SAXO1: variants seen among roughly 807,000 people sequenced by gnomAD.
SAXO1 encodes 4930500O09Rik.
A neutral mutation model predicts 17.5 loss-of-function variants in SAXO1; 21 were observed. The ratio of observed to expected loss-of-function variants is 1.20; its 90% CI spans 0.85 to 1.72. The LOEUF is 1.72. SAXO1 is among the 40% of genes most tolerant of loss of function. The pLI is 0.00. For missense variants in SAXO1, 843 were observed against 596.0 expected (o/e 1.41, Z -4.32); for synonymous variants, 274 against 216.5 (o/e 1.27, Z -2.33).
At chr9:18,957,610 T>C (rs967080861) in intron 1 of SAXO1, among the ~76,000 whole-genome samples, 5 of 152,136 alleles carry the variant, frequency 3.3e-5, no homozygotes, top group Non-Finnish European at 5.9e-5. Flanking sequence ...GCATTCCCCA[T>C]CTAGGAGAGG....
intron 1 of SAXO1, among the ~76,000 whole-genome samples, chr9:19,039,106 G>A (rs1315978854): frequency 6.6e-6 from 1 of 150,824 alleles, no homozygotes; most frequent in African/African-American, 2.4e-5. Flanking sequence ...CTGCACTCCA[G>A]CCTGGGCAAC....
intron 1 of SAXO1, among the ~76,000 whole-genome samples, chr9:18,966,558 C>T (rs1832724802): frequency 6.6e-6 from 1 of 152,146 alleles, no homozygotes; most frequent in Admixed American, 6.5e-5. Flanking sequence ...GTATGCTTCA[C>T]CAAGCTCTTG....
intron 1 of SAXO1, among the ~76,000 whole-genome samples, chr9:18,970,334 T>G (rs1832900628): frequency 6.6e-6 from 1 of 152,244 alleles, no homozygotes; most frequent in Non-Finnish European, 1.5e-5. Flanking sequence ...CACAAGTCCC[T>G]TTCCTCATCC....
At chr9:18,993,959 T>G (rs1232069669) in intron 1 of SAXO1, among the ~76,000 whole-genome samples, 2 of 152,106 alleles carry the variant, frequency 1.3e-5, no homozygotes, top group South Asian at 4.1e-4. Context: ...TTTCAAGAGG[T>G]TGAAAAGAAA....
chr9:19,049,262 C>A lies in SAXO1; in HGVS notation c.-211G>T, dbSNP rs62563586. 505 of 171,010 alleles carry A rather than the reference C, an allele frequency of 3.0e-3. 1 individual carries two copies. Among genetic ancestry groups the A allele is most frequent in the Middle Eastern group, 0.013 (5 of 394 alleles). The allele number at this position is 171,010 out of a possible 1,614,324, so 10.6% of individuals were successfully genotyped here. A position where few individuals can be genotyped will look rare whatever the true frequency, so the allele number is the denominator to read the frequency against. ...AGAACAAAAGACCGAAGTCCTCGAG[C>A]TTCCCTTCCATCTTAGGGCTCACGC... On this transcript the variant is annotated 5_prime_UTR_variant, in exon 1 of 4. Transcript: ENST00000542071. This position sits in a 1 kb window ranked among gnomAD's most constrained non-coding sequence, Gnocchi z 5.4.
intron 1 of SAXO1, among the ~76,000 whole-genome samples, chr9:18,963,739 C>T (rs139088110): frequency 6.6e-6 from 1 of 152,232 alleles, no homozygotes; most frequent in African/African-American, 2.4e-5. Flanking sequence ...CAACTGCAAA[C>T]AGAGACAATT....
chr9:18,996,060 C>T (rs935817222), intron 1 of SAXO1, among the ~76,000 whole-genome samples: 1 of 131,134 alleles, frequency 7.6e-6, no homozygotes, highest in African/African-American at 3.0e-5. Context: ...ATCTCAGCAA[C>T]AAGAGTGAAA....
intron 1 of SAXO1, among the ~76,000 whole-genome samples, chr9:19,004,397 C>T (rs1834406561): frequency 6.6e-6 from 1 of 152,182 alleles, no homozygotes; most frequent in Non-Finnish European, 1.5e-5. Flanking sequence ...AATCATGCTA[C>T]TATAAAGACA....
chr9:18,979,961 G>A (rs1050756611), intron 1 of SAXO1, among the ~76,000 whole-genome samples: 8 of 152,282 alleles, frequency 5.3e-5, no homozygotes, highest in East Asian at 1.9e-4. Context: ...ACATTTCACC[G>A]GGACTTAGTG....
At chr9:19,020,572 T>G (rs1379976807) in intron 1 of SAXO1, among the ~76,000 whole-genome samples, 1 of 152,160 alleles carries the variant, frequency 6.6e-6, no homozygotes, top group Non-Finnish European at 1.5e-5. Context: ...CAGCCCAGGC[T>G]GGTCTTGAAC....
intron 1 of SAXO1, among the ~76,000 whole-genome samples, chr9:19,016,914 C>G (rs1380946826): frequency 6.7e-6 from 1 of 150,228 alleles, no homozygotes; most frequent in Non-Finnish European, 1.5e-5. Flanking sequence ...CTACAGAAAC[C>G]AAAAAGTGAG....
chr9:19,013,132 CA>C (rs546283924), intron 1 of SAXO1, among the ~76,000 whole-genome samples: 22 of 143,898 alleles, frequency 1.5e-4, no homozygotes, highest in Admixed American at 1.4e-4. Flanking sequence ...GGAACCACAC[CA>C]AAAAAAAAAG....
At chr9:19,029,078 T>C (rs1381824981) in intron 1 of SAXO1, among the ~76,000 whole-genome samples, 9 of 152,108 alleles carry the variant, frequency 5.9e-5, no homozygotes, top group Admixed American at 5.9e-4. Context: ...TCCAAGAGAG[T>C]CACCCATTGG....
intron 1 of SAXO1, among the ~76,000 whole-genome samples, chr9:18,984,185 T>C (rs918433398): frequency 5.3e-5 from 8 of 152,208 alleles, no homozygotes; most frequent in African/African-American, 1.9e-4. Flanking sequence ...AGATGTGCCA[T>C]CATCCAGGCT....
In SAXO1 at chr9:18,993,544, G is replaced by A. The variant is rs111708513; in HGVS notation, c.38+39327C>T. 1.1e-3 allele frequency among the ~76,000 whole-genome samples: 161 copies of A among 152,282 alleles called. 1 individual carries two copies. The highest frequency in any genetic ancestry group is 3.6e-3 in the African/African-American group (151 of 41,546). The stretch of plus-strand genomic sequence containing the variant: ...CCATGTAATCACCAGAGTGAAAGAC[G>A]TCGCATCAAAGACTGTACAGGAGAG... On this transcript the variant is annotated intron_variant, in intron 1 of 3. Coordinates refer to ENST00000380534, the MANE Select transcript of SAXO1 (RefSeq NM_153707.4).
chr9:18,998,404 A>T (rs1834100365), intron 1 of SAXO1, among the ~76,000 whole-genome samples: 1 of 152,154 alleles, frequency 6.6e-6, no homozygotes, highest in Non-Finnish European at 1.5e-5. Context: ...GTGAGAAGAC[A>T]AGATTAGAGA....
chr9:18,975,240 AAGCAGGGAGAGTGCAGGCTGG>A (rs1833098308), intron 1 of SAXO1, among the ~76,000 whole-genome samples: 2 of 151,006 alleles, frequency 1.3e-5, no homozygotes, highest in African/African-American at 2.4e-5. Flanking sequence ...CAGGCTGGGG[AAGCAGGGAGAGTGCAGGCTGG>A]GGAAGGATAA....
At chr9:18,979,982 C>A (rs774262502) in intron 1 of SAXO1, among the ~76,000 whole-genome samples, 6 of 152,100 alleles carry the variant, frequency 3.9e-5, no homozygotes, top group Non-Finnish European at 5.9e-5. Flanking sequence ...ACAGACTGTA[C>A]TGGGCAAGTG....
At chr9:18,961,966 G>C (rs1464479694) in intron 1 of SAXO1, among the ~76,000 whole-genome samples, 4 of 152,200 alleles carry the variant, frequency 2.6e-5, no homozygotes, top group Non-Finnish European at 5.9e-5. Flanking sequence ...CAGTGTAAAA[G>C]CATTCCTATT....
Sources: allele counts gnomAD v4.1 joint callset (sites outside exome capture counted in the v4.1 genomes callset), GRCh38; gene constraint gnomAD v4.1.1; non-coding constraint Gnocchi (gnomAD v3.1); transcripts MANE v1.5; gene names NCBI Gene and HGNC (gene_info 2026-07-23, HGNC 2026-07-21).